The following CHCHD3 variants were observed in gnomAD, a reference collection of about 807,000 sequenced individuals.
The protein encoded by CHCHD3 is MICOS complex subunit MIC19.
In CHCHD3, 20 loss-of-function variants were observed where a neutral mutation model predicts 38.2. That is an observed-to-expected ratio of 0.52 (90% CI 0.37 to 0.76). The LOEUF is 0.76. CHCHD3 is among the 30% of genes least tolerant of loss of function. CHCHD3 has a pLI of 0.00. For synonymous variants in CHCHD3, 82 were observed against 100.0 expected, an observed-to-expected ratio of 0.82 and a Z score of 1.07; for missense variants, 245 against 279.2, an observed-to-expected ratio of 0.88 and a Z score of 0.87.
intron 4 of CHCHD3, among the ~76,000 whole-genome samples, chr7:132,971,348 C>T (rs1811608388): frequency 6.6e-6 from 1 of 152,194 alleles, no homozygotes; most frequent in Non-Finnish European, 1.5e-5. Flanking sequence ...GATTAAAATG[C>T]TGGCATCACT....
intron 3 of CHCHD3, among the ~76,000 whole-genome samples, chr7:133,014,481 C>G (rs1272713188): frequency 4.6e-5 from 7 of 152,176 alleles, no homozygotes; most frequent in East Asian, 1.9e-4. Flanking sequence ...TATTCTAGTT[C>G]CAACGGCAAA....
chr7:133,011,638 G>A (rs1376654253), intron 3 of CHCHD3, among the ~76,000 whole-genome samples: 13 of 152,148 alleles, frequency 8.5e-5, no homozygotes, highest in Non-Finnish European at 1.5e-5. Context: ...CAGCAGCTGA[G>A]AACCACTGGC....
At chr7:133,069,613 C>G (rs1244930633) in intron 2 of CHCHD3, among the ~76,000 whole-genome samples, 1 of 152,164 alleles carries the variant, frequency 6.6e-6, no homozygotes, top group Non-Finnish European at 1.5e-5. Flanking sequence ...CATTAAGTCT[C>G]TTATCCAGCA....
chr7:133,049,612 A>G (rs1323119269), intron 2 of CHCHD3, among the ~76,000 whole-genome samples: 1 of 152,212 alleles, frequency 6.6e-6, no homozygotes, highest in Non-Finnish European at 1.5e-5. Context: ...ATTTATACAC[A>G]CTATGAATGT....
chr7:132,849,807 G>A (rs1808167916), intron 5 of CHCHD3, among the ~76,000 whole-genome samples: 1 of 152,126 alleles, frequency 6.6e-6, no homozygotes, highest in Non-Finnish European at 1.5e-5. Flanking sequence ...TTGATGTGAT[G>A]GCCAGAGCTC....
intron 6 of CHCHD3, among the ~76,000 whole-genome samples, chr7:132,806,594 T>A (rs1162219209): frequency 6.6e-6 from 1 of 151,778 alleles, no homozygotes; most frequent in African/African-American, 2.4e-5. Flanking sequence ...AGACATGGGA[T>A]ACAAAGGCAT....
At chr7:132,827,770 A>G (rs936576652) in intron 6 of CHCHD3, among the ~76,000 whole-genome samples, 1 of 152,182 alleles carries the variant, frequency 6.6e-6, no homozygotes, top group African/African-American at 2.4e-5. Context: ...AATGAACCAC[A>G]TAGGAAGTAC....
intron 4 of CHCHD3, among the ~76,000 whole-genome samples, chr7:132,939,603 G>GT (rs1810714381): frequency 6.6e-6 from 1 of 152,090 alleles, no homozygotes; most frequent in Non-Finnish European, 1.5e-5. Context: ...TTTTCAGAAT[G>GT]TATCTTCTTT....
chr7:133,009,102 A>G (rs985018503), intron 3 of CHCHD3, among the ~76,000 whole-genome samples: 1 of 151,944 alleles, frequency 6.6e-6, no homozygotes, highest in Non-Finnish European at 1.5e-5. Flanking sequence ...GGTGGCTCAC[A>G]CCTGTAATCC....
At chr7:132,983,231 G>A (rs1433513933) in intron 3 of CHCHD3, among the ~76,000 whole-genome samples, 1 of 152,112 alleles carries the variant, frequency 6.6e-6, no homozygotes. Flanking sequence ...CTGAGGCAAG[G>A]AGAATTGCTT....
chr7:133,029,896 T>G (rs1236584268), intron 2 of CHCHD3, among the ~76,000 whole-genome samples: 1 of 151,558 alleles, frequency 6.6e-6, no homozygotes, highest in Non-Finnish European at 1.5e-5. Context: ...ACAGGAACAC[T>G]CCCATGGCCA....
chr7:132,873,605 A>G lies in CHCHD3; in HGVS notation c.453+12057T>C, dbSNP rs899346047. ...TAATGATGACGTTGATGGTACTGAC[A>G]CTGATATTACTATTTCTTTCCCAAC... On this transcript the variant is annotated intron_variant, in intron 5 of 7. Transcript: ENST00000262570. Among the ~76,000 whole-genome samples the G allele has an allele frequency of 6.6e-5, 10 of 151,846 alleles. No homozygotes were observed. The East Asian group carries it at 1.7e-3, about 27-fold the overall frequency.
chr7:133,043,202 TA>T (rs1252820306), intron 2 of CHCHD3, among the ~76,000 whole-genome samples: 1 of 152,152 alleles, frequency 6.6e-6, no homozygotes, highest in Non-Finnish European at 1.5e-5. Context: ...AATCTTTTTA[TA>T]CCATTTATAT....
intron 3 of CHCHD3, among the ~76,000 whole-genome samples, chr7:133,009,682 C>A (rs2117408492): frequency 6.6e-6 from 1 of 152,208 alleles, no homozygotes; most frequent in South Asian, 2.1e-4. Flanking sequence ...TTCATGAGGG[C>A]AAAAGTATAT....
chr7:132,798,003 A>C (rs1806665584), intron 6 of CHCHD3, among the ~76,000 whole-genome samples: 1 of 152,172 alleles, frequency 6.6e-6, no homozygotes, highest in Non-Finnish European at 1.5e-5. Flanking sequence ...TCTTGAAATC[A>C]CATTATTTTA....
intron 6 of CHCHD3, among the ~76,000 whole-genome samples, chr7:132,835,882 G>A (rs1807767333): frequency 6.6e-6 from 1 of 152,136 alleles, no homozygotes; most frequent in Non-Finnish European, 1.5e-5. Flanking sequence ...TGTAAGAAAA[G>A]CAGATTAGCA....
chr7:133,023,590 A>C (rs1462015865), intron 3 of CHCHD3, among the ~76,000 whole-genome samples: 3 of 152,194 alleles, frequency 2.0e-5, no homozygotes, highest in African/African-American at 7.2e-5. Flanking sequence ...CATTCACATG[A>C]TCATGTAATC....
intron 5 of CHCHD3, chr7:132,847,421 T>C (rs1305488437): frequency 6.6e-6 from 1 of 152,250 alleles, no homozygotes; most frequent in Non-Finnish European, 1.5e-5. Context: ...CCAATATTTC[T>C]TTCCAATCTC....
At chr7:132,840,757 T>C (rs1807919308) in intron 5 of CHCHD3, among the ~76,000 whole-genome samples, 1 of 152,158 alleles carries the variant, frequency 6.6e-6, no homozygotes, top group South Asian at 2.1e-4. Context: ...TGGTAAAAAG[T>C]AAGTATTACT....
Sources: gnomAD v4.1 joint callset for allele counts (sites outside exome capture counted in the v4.1 genomes callset) on GRCh38, gnomAD v4.1.1 for gene constraint, MANE v1.5 for transcripts, NCBI Gene and HGNC (gene_info 2026-07-23, HGNC 2026-07-21) for gene names.